TSEN54: variants seen among roughly 807,000 people sequenced by gnomAD.
TSEN54 encodes tRNA splicing endonuclease subunit 54.
Under a neutral mutation model 61.9 loss-of-function variants are expected in TSEN54, and 55 were observed. That is an observed-to-expected ratio of 0.89 (90% confidence interval 0.72 to 1.11). The LOEUF (loss-of-function observed/expected upper bound fraction) is 1.11. TSEN54 is among the 50% of genes most tolerant of loss of function. The pLI is 0.00. For synonymous variants in TSEN54, 304 were observed against 288.7 expected (o/e 1.05, Z -0.54); for missense variants, 760 against 687.7 (o/e 1.11, Z -1.18).
chr17:75,523,719 C>T lies in TSEN54; in HGVS notation c.1370C>T (p.Ala457Val). 6.2e-7 allele frequency: 1 copy of T among 1,614,160 alleles called. No homozygotes were observed. ...EIIFDVYQAD[A>V]VATFRKNNPG... Reference sequence around the variant, plus strand: ...ATCTTTGATGTTTACCAGGCCGACGCTGTGGCCACATTCCGAAAGAATAAC... The same window carrying T: ...ATCTTTGATGTTTACCAGGCCGACGTTGTGGCCACATTCCGAAAGAATAAC... The change falls in exon 10 of 11, where the codon GCT (alanine) becomes GTT (valine). Residue 457 changes from alanine (A) to valine (V), a missense_variant. Physicochemically the swap from Ala to Val is moderately conservative, Grantham distance 64. This residue lies in a region of TSEN54 where 10 missense variants were observed against 27.0 expected (regional missense o/e 0.37). Coordinates refer to ENST00000333213, the MANE Select transcript of TSEN54 (RefSeq NM_207346.3).
Position 75,516,796 on chromosome 17 carries a change from G to A in TSEN54, c.107G>A (p.Arg36His). 1 of 1,587,092 alleles carries A rather than the reference G, an allele frequency of 6.3e-7. No individual in the cohort carries two copies. The highest frequency in any genetic ancestry group is 1.1e-5 in the South Asian group (1 of 90,036). ...ARSRSQKLPQRSHGPKDFLPD... is the reference protein window; with the variant it reads ...ARSRSQKLPQHSHGPKDFLPD... The stretch of plus-strand genomic sequence containing the variant: ...TCGCGGTCGCAGAAGCTGCCCCAGC[G>A]CTCGCATGGCCCCAAGGACTTTCTG... Residue 36 changes from arginine to histidine, a missense_variant, in exon 2 of 11, where the codon CGC (arginine) becomes CAC (histidine). By Grantham distance (29) the Arg-to-His change is conservative. Coordinates refer to ENST00000333213, the MANE Select transcript of TSEN54 (RefSeq NM_207346.3).
intron 4 of TSEN54, 139 bp from the exon 5 acceptor site, chr17:75,517,418 G>A (rs1189021516): frequency 3.5e-6 from 4 of 1,137,202 alleles, no homozygotes; most frequent in African/African-American, 1.5e-5. Context: ...TAGTGATGCT[G>A]CCCCACTTTC....
At position 75,522,163 on chromosome 17, in the gene TSEN54, A is replaced by G. The variant is rs1192652297; in HGVS notation, c.1082A>G (p.Gln361Arg). The part of the protein sequence containing the change: ...REREHHAEAA[Q>R]FQEDVNADPE... ...CGGGAGCACCACGCGGAGGCCGCGC[A>G]GTTCCAGGAAGATGTCAACGCCGAT... Residue 361 changes from glutamine to arginine, a missense_variant, in exon 8 of 11, where the codon CAG becomes CGG. This residue lies in a region of TSEN54 where 667 missense variants were observed against 577.8 expected (regional missense o/e 1.15). Transcript: ENST00000333213. The G allele has an allele frequency of 2.6e-6, 4 of 1,552,528 alleles. No homozygotes were observed. The East Asian group carries it at 9.7e-5, about 38-fold the overall frequency.
intron 8 of TSEN54, chr17:75,522,584 A>C: frequency 1.3e-5 from 18 of 1,360,816 alleles, no homozygotes; most frequent in East Asian, 8.0e-5. Context: ...GATAAACAAC[A>C]TGCATGTGGA....
In TSEN54 at chr17:75,522,293, C is replaced by T. The variant is rs1031106461; in HGVS notation, c.1212C>T (p.Pro404=). The T allele has an allele frequency of 1.7e-5, 26 of 1,546,094 alleles. No individual in the cohort carries two copies. The highest frequency in any genetic ancestry group is 3.6e-5 in the South Asian group (3 of 83,986). ...GGGCCCCTCACCTGTGGGGCCAGCC[C>T]GTCACCCCGCTGCTGAGTCCTGGCC... is the stretch of plus-strand genomic sequence containing the variant. ...QRRAPHLWGQ[P]VTPLLSPGQA... Residue 404 remains proline, a synonymous_variant, in exon 8 of 11, where the codon CCC becomes CCT. Transcript: ENST00000333213.
In TSEN54 at chr17:75,517,250, T is replaced by C. The variant is rs1359508090; in HGVS notation, c.369+6T>C. 5 of 1,589,048 alleles carry C rather than the reference T, an allele frequency of 3.1e-6. No homozygotes were observed. In the South Asian group the frequency reaches 3.4e-5, roughly 11 times the overall value. On this transcript the variant is annotated splice_donor_region_variant and intron_variant, in intron 4 of 10. Coordinates refer to ENST00000333213, the MANE Select transcript of TSEN54 (RefSeq NM_207346.3). ...CCTTGTATCTTCTGGAGTGTGTAAGTGGGGCCCGGGAGGTGGGGAAGGAGT... is the reference window on the plus strand; with the variant it reads ...CCTTGTATCTTCTGGAGTGTGTAAGCGGGGCCCGGGAGGTGGGGAAGGAGT...
At chr17:75,522,554 T>C (rs1242937393) in intron 8 of TSEN54, 2 of 1,430,002 alleles carry the variant, frequency 1.4e-6, no homozygotes, top group East Asian at 5.0e-5. Context: ...GGGTGGAAAC[T>C]ATGACCATAT....
intron 8 of TSEN54, 155 bp downstream of exon 8, chr17:75,522,488 TGCA>T: frequency 6.7e-7 from 1 of 1,493,630 alleles, no homozygotes; most frequent in Non-Finnish European, 8.9e-7. Flanking sequence ...CTCCGGCGGC[TGCA>T]GCAGGGCCTG....
At chr17:75,517,488 G>C in intron 4 of TSEN54, 69 bp from the exon 5 acceptor site, 1 of 1,415,334 alleles carries the variant, frequency 7.1e-7, no homozygotes, top group Non-Finnish European at 1.0e-6. Context: ...TCAGAGCTGG[G>C]AAGTTGCCCC....
chr17:75,518,768 T>A, intron 5 of TSEN54: 1 of 985,448 alleles, frequency 1.0e-6, no homozygotes, highest in Non-Finnish European at 1.2e-6. Flanking sequence ...TTTGGCTAAA[T>A]GTCATTTGTG....
At chr17:75,517,722 C>CGT in intron 5 of TSEN54, 67 bp downstream of exon 5, 1 of 1,351,646 alleles carries the variant, frequency 7.4e-7, no homozygotes, top group Non-Finnish European at 1.1e-6. Context: ...GACAAGTACC[C>CGT]ATAAGGTGCC....
chr17:75,518,589 C>T, intron 5 of TSEN54: 1 of 985,436 alleles, frequency 1.0e-6, no homozygotes, highest in Non-Finnish European at 1.2e-6. Flanking sequence ...CTACCAGAAA[C>T]TTCCCACCGG....
rs770699353 is a variant in TSEN54, at chr17:75,524,388, G to A, written c.1557G>A (p.Thr519=). Residue 519 remains threonine, a synonymous_variant, in exon 11 of 11, where the codon ACG becomes ACA. Transcript: ENST00000333213. The part of the protein sequence containing the change: ...DISFYSFRDF[T]LPQDVGH ...CCTTCTACAGCTTCAGGGACTTCACGTTGCCCCAGGATGTGGGGCACTGAC... is the reference window on the plus strand; with the variant it reads ...CCTTCTACAGCTTCAGGGACTTCACATTGCCCCAGGATGTGGGGCACTGAC... 2.3e-5 allele frequency: 37 copies of A among 1,614,028 alleles called. No homozygotes were observed. The East Asian group carries it at 6.0e-4, about 26-fold the overall frequency.
intron 8 of TSEN54, 69 bp downstream of exon 8, chr17:75,522,402 G>A (rs760288455): frequency 6.5e-7 from 1 of 1,535,968 alleles, no homozygotes; most frequent in East Asian, 2.4e-5. Flanking sequence ...TTTGGAAAGG[G>A]CATGGATGAA....
rs940533460 is a variant in TSEN54, at chr17:75,524,582, C to T, written c.*170C>T. ...TCACAGAGTGAAACTGTGACCCTCT[C>T]CCTTCCCTGCTGCCTTGCAGTGACC... On this transcript the variant is annotated 3_prime_UTR_variant, in exon 11 of 11. Coordinates refer to ENST00000333213, the MANE Select transcript of TSEN54 (RefSeq NM_207346.3). 2 of 845,066 alleles carry T rather than the reference C, an allele frequency of 2.4e-6. No individual in the cohort carries two copies. The highest frequency in any genetic ancestry group is 2.8e-5 in the South Asian group (2 of 71,174). The allele number at this position is 845,066 out of a possible 1,614,324, so 52.3% of individuals were successfully genotyped here.
chr17:75,521,343 A>C, intron 6 of TSEN54, 66 bp from the exon 7 acceptor site: 1 of 1,365,824 alleles, frequency 7.3e-7, no homozygotes, highest in Non-Finnish European at 1.0e-6. Flanking sequence ...GTTTCCTTAC[A>C]CATCCCACCA....
Position 75,516,906 on chromosome 17 carries a change from C to T in TSEN54, c.217C>T (p.Arg73Cys). The change falls in exon 2 of 11, where the codon CGC becomes TGC. Residue 73 changes from arginine to cysteine, a missense_variant. Physicochemically the swap from Arg to Cys is radical, Grantham distance 180. This residue lies in a region of TSEN54 where 667 missense variants were observed against 577.8 expected (regional missense o/e 1.15). Coordinates refer to ENST00000333213, the MANE Select transcript of TSEN54 (RefSeq NM_207346.3). Reference sequence around the variant, plus strand: ...GCTGCTGGCAGAGCAGCGCGTGGAGCGCCTGTGAGAGGGGCGGGCCCAGGG... The same window carrying T: ...GCTGCTGGCAGAGCAGCGCGTGGAGTGCCTGTGAGAGGGGCGGGCCCAGGG... ...WQLLAEQRVERLGSLVAAEWR... is the reference protein window; with the variant it reads ...WQLLAEQRVECLGSLVAAEWR... The T allele has an allele frequency of 6.5e-7, 1 of 1,544,748 alleles. No individual in the cohort carries two copies. The highest frequency in any genetic ancestry group is 8.7e-7 in the Non-Finnish European group (1 of 1,148,526).
intron 6 of TSEN54, among the ~76,000 whole-genome samples, chr17:75,521,102 T>C (rs1180274433): frequency 1.4e-5 from 2 of 146,474 alleles, no homozygotes; most frequent in Admixed American, 6.7e-5. Context: ...GAAAAAAATA[T>C]ATGGAGAGAG....
chr17:75,523,693 C>A lies in TSEN54; in HGVS notation c.1344C>A (p.Ile448=), dbSNP rs768398207. ...TGGAGAAGTCTGGGGGCTTGGAAAT[C>A]ATCTTTGATGTTTACCAGGCCGACG... ...RLLEKSGGLE[I]IFDVYQADAV... The change falls in exon 10 of 11, where the codon ATC becomes ATA. Residue 448 remains isoleucine, a synonymous_variant. Coordinates refer to ENST00000333213, the MANE Select transcript of TSEN54 (RefSeq NM_207346.3). 1 of 1,614,174 alleles carries A rather than the reference C, an allele frequency of 6.2e-7. No homozygotes were observed. Among genetic ancestry groups the A allele is most frequent in the Non-Finnish European group, 8.5e-7 (1 of 1,180,036 alleles).
Sources: gnomAD v4.1 joint callset for allele counts (sites outside exome capture counted in the v4.1 genomes callset) on GRCh38, gnomAD v4.1.1 for gene constraint, gnomAD v4.1.1 regional missense constraint, MANE v1.5 for transcripts, NCBI Gene and HGNC (gene_info 2026-07-23, HGNC 2026-07-21) for gene names.